The following ELAVL2 variants were observed in gnomAD, a reference collection of about 807,000 sequenced individuals.
The protein encoded by ELAVL2 is ELAV-like protein 2.
Under a neutral mutation model 34.6 loss-of-function variants are expected in ELAVL2, and 4 were observed. The observed-to-expected ratio is 0.12, with a 90% CI of 0.06 to 0.26. The LOEUF (loss-of-function observed/expected upper bound fraction) is 0.26, where lower values mean the gene tolerates loss of function less well. Ranked by LOEUF, ELAVL2 falls within the 10% of genes least tolerant of loss-of-function variation. The pLI is 1.00. For missense variants in ELAVL2, 432 were observed against 442.8 expected, an observed-to-expected ratio of 0.98 and a Z score of 0.22; for synonymous variants, 193 against 154.8, an observed-to-expected ratio of 1.25 and a Z score of -1.83.
At chr9:23,740,070 C>T (rs1166586282) in intron 2 of ELAVL2, among the ~76,000 whole-genome samples, 2 of 151,344 alleles carry the variant, frequency 1.3e-5, no homozygotes, top group Admixed American at 1.3e-4. Flanking sequence ...TTCTTGAACA[C>T]ATTTTTCTTA....
intron 3 of ELAVL2, among the ~76,000 whole-genome samples, chr9:23,723,150 A>G (rs2134159455): frequency 6.6e-6 from 1 of 152,292 alleles, no homozygotes; most frequent in Non-Finnish European, 1.5e-5. Context: ...TATTCACAAT[A>G]GCAAAGACTT....
At chr9:23,808,535 T>C (rs1234599342) in intron 1 of ELAVL2, among the ~76,000 whole-genome samples, 3 of 151,904 alleles carry the variant, frequency 2.0e-5, no homozygotes, top group East Asian at 3.9e-4. Flanking sequence ...AAAAACTGAA[T>C]AGAAGGACAA....
chr9:23,850,406 G>A, the ELAVL2 span, among the ~76,000 whole-genome samples: 4 of 152,084 alleles, frequency 2.6e-5, no homozygotes, highest in African/African-American at 9.7e-5. Context: ...ATCCACTTGA[G>A]GTCTGGGGTT....
intron 1 of ELAVL2, among the ~76,000 whole-genome samples, chr9:23,815,909 G>C (rs570574260): frequency 3.7e-4 from 56 of 152,142 alleles, no homozygotes; most frequent in Non-Finnish European, 6.6e-4. Context: ...GGAAAGCTTA[G>C]AGTCAGTCAT....
chr9:23,723,978 A>AG (rs1360679003), intron 3 of ELAVL2, among the ~76,000 whole-genome samples: 5 of 152,274 alleles, frequency 3.3e-5, no homozygotes, highest in Non-Finnish European at 5.9e-5. Flanking sequence ...ACTCACAAGG[A>AG]GGCAGTTACT....
chr9:23,739,766 T>C (rs1032884370), intron 2 of ELAVL2, among the ~76,000 whole-genome samples: 1 of 150,450 alleles, frequency 6.6e-6, no homozygotes, highest in African/African-American at 2.4e-5. Flanking sequence ...TTCACAAACA[T>C]GCACTCTTGC....
chr9:23,837,513 A>G, the ELAVL2 span, among the ~76,000 whole-genome samples: 2 of 152,180 alleles, frequency 1.3e-5, no homozygotes, highest in African/African-American at 4.8e-5. Flanking sequence ...AACTCTCACA[A>G]GAATCTCATC....
At chr9:23,817,698 T>A (rs1410104216) in intron 1 of ELAVL2, among the ~76,000 whole-genome samples, 1 of 152,128 alleles carries the variant, frequency 6.6e-6, no homozygotes, top group African/African-American at 2.4e-5. Flanking sequence ...AAATAAAAAA[T>A]TCTTCTAGCC....
At chr9:23,748,260 ACT>A (rs1440935347) in intron 2 of ELAVL2, among the ~76,000 whole-genome samples, 1 of 151,924 alleles carries the variant, frequency 6.6e-6, no homozygotes, top group Non-Finnish European at 1.5e-5. Context: ...TCGCTCTTTG[ACT>A]CTGATTGAGG....
intron 1 of ELAVL2, chr9:23,764,899 A>G (rs2055888760): frequency 9.0e-7 from 1 of 1,114,720 alleles, no homozygotes; most frequent in Non-Finnish European, 1.3e-6. Context: ...GTTAAATGTA[A>G]GAATAATTAG....
intron 1 of ELAVL2, among the ~76,000 whole-genome samples, chr9:23,807,824 CTGATAA>C (rs777510976): frequency 1.3e-5 from 2 of 152,122 alleles, no homozygotes; most frequent in Non-Finnish European, 2.9e-5. Flanking sequence ...TAAACAAATA[CTGATAA>C]TATTTCAAAA....
chr9:23,794,046 T>C (rs1049311635), intron 1 of ELAVL2, among the ~76,000 whole-genome samples: 2 of 152,208 alleles, frequency 1.3e-5, no homozygotes, highest in Non-Finnish European at 2.9e-5. Context: ...AATGGAGACA[T>C]AAAATTCTAG....
At chr9:23,715,871 G>A (rs988690177) in intron 3 of ELAVL2, among the ~76,000 whole-genome samples, 7 of 151,930 alleles carry the variant, frequency 4.6e-5, no homozygotes, top group East Asian at 3.9e-4. Context: ...AACCAGTACC[G>A]GTTGGTAATG....
intron 1 of ELAVL2, among the ~76,000 whole-genome samples, chr9:23,774,213 C>CAAAAAAAAAAAAAA (rs57247631): frequency 6.5e-5 from 4 of 61,448 alleles, no homozygotes; most frequent in African/African-American, 1.3e-4. Context: ...GACTCCATCT[C>CAAAAAAAAAAAAAA]AAAAAAAAAA....
intron 1 of ELAVL2, among the ~76,000 whole-genome samples, chr9:23,776,830 T>G (rs890339353): frequency 6.6e-6 from 1 of 151,944 alleles, no homozygotes; most frequent in African/African-American, 2.4e-5. Context: ...TGGACACGTA[T>G]TTGAGAAGAA....
intron 1 of ELAVL2, chr9:23,779,287 A>G (rs2058709663): frequency 1.0e-6 from 1 of 985,180 alleles, no homozygotes; most frequent in Non-Finnish European, 1.2e-6. Context: ...TCCCATGAAA[A>G]CCTGCTTCAC....
chr9:23,840,092 G>GTA, the ELAVL2 span, among the ~76,000 whole-genome samples: 1 of 152,120 alleles, frequency 6.6e-6, no homozygotes, highest in Non-Finnish European at 1.5e-5. Context: ...TGTGTCCTTG[G>GTA]TATATGACTT....
rs1403964177 is a variant in ELAVL2 at position 23,692,903 on chromosome 9, AATACACAC to A, written c.753-27_753-20del. On this transcript the variant is annotated intron_variant, in intron 6 of 6. Transcript: ENST00000397312. Reference sequence around the variant, plus strand: ...AGAAAACCTGCTAAACAGAATAGGAAATACACACATACACACAAAAAATAAAAACAGAG... The same window carrying A: ...AGAAAACCTGCTAAACAGAATAGGAAATACACACAAAAAATAAAAACAGAG... 2 of 1,607,996 alleles carry A rather than the reference AATACACAC, an allele frequency of 1.2e-6. No individual in the cohort carries two copies. Among genetic ancestry groups the A allele is most frequent in the South Asian group, 2.2e-5 (2 of 90,838 alleles).
At chr9:23,697,935 T>G (rs934251169) in intron 5 of ELAVL2, among the ~76,000 whole-genome samples, 2 of 151,818 alleles carry the variant, frequency 1.3e-5, no homozygotes, top group African/African-American at 4.9e-5. Flanking sequence ...GATCATCTTC[T>G]TACTGCCTTA....
Sources: allele counts gnomAD v4.1 joint callset (sites outside exome capture counted in the v4.1 genomes callset), GRCh38; gene constraint gnomAD v4.1.1; transcripts MANE v1.5; gene names NCBI Gene and HGNC (gene_info 2026-07-23, HGNC 2026-07-21).